Variants in CLASP1 observed in about 807,000 individuals in gnomAD.
CLASP1 encodes the protein CLIP-associating protein 1.
In CLASP1, 38 loss-of-function variants were observed where a neutral mutation model predicts 192.3. That is an observed-to-expected ratio of 0.20 (90% CI 0.15 to 0.26). The LOEUF (loss-of-function observed/expected upper bound fraction) is 0.26. CLASP1 is among the 10% of genes least tolerant of loss of function. CLASP1 has a pLI of 1.00. For missense variants in CLASP1, 1,433 were observed against 1,932.5 expected, an observed-to-expected ratio of 0.74 and a Z score of 4.85; for synonymous variants, 691 against 712.8, an observed-to-expected ratio of 0.97 and a Z score of 0.49.
At chr2:121,588,457 G>A (rs954144180) in intron 2 of CLASP1, among the ~76,000 whole-genome samples, 1 of 152,160 alleles carries the variant, frequency 6.6e-6, no homozygotes, top group Non-Finnish European at 1.5e-5. Context: ...TAAAGAGGTT[G>A]GGAAAGCTGG....
rs563559936 is a variant in CLASP1 at position 121,463,500 on chromosome 2, C to T, written c.866-895G>A. On this transcript the variant is annotated intron_variant, in intron 9 of 39. Transcript: ENST00000263710. The stretch of plus-strand genomic sequence containing the variant: ...ACTACTATAAAGGATGACCGTCACT[C>T]ACTGTGATGTGGTGCTCTGTGTCTG... Among the ~76,000 whole-genome samples, 3 of 152,294 alleles carry T rather than the reference C, an allele frequency of 2.0e-5. No homozygotes were observed. In the South Asian group the frequency reaches 6.2e-4, roughly 32 times the overall value.
intron 36 of CLASP1, among the ~76,000 whole-genome samples, chr2:121,363,823 T>G (rs956422151): frequency 2.0e-5 from 3 of 152,030 alleles, no homozygotes; most frequent in Non-Finnish European, 4.4e-5. Context: ...AGGCCTCGAG[T>G]TGGTTAAGGC....
At chr2:121,536,718 A>G (rs1305897433) in intron 2 of CLASP1, among the ~76,000 whole-genome samples, 1 of 152,262 alleles carries the variant, frequency 6.6e-6, no homozygotes, top group Admixed American at 6.5e-5. Context: ...TTCCACTTAC[A>G]TGAAACACCT....
At chr2:121,588,527 AAAT>A (rs927894776) in intron 2 of CLASP1, among the ~76,000 whole-genome samples, 31 of 152,204 alleles carry the variant, frequency 2.0e-4, no homozygotes, top group African/African-American at 6.8e-4. Flanking sequence ...TCAGAAGAAA[AAAT>A]AAACAAAATA....
intron 15 of CLASP1, among the ~76,000 whole-genome samples, 169 bp downstream of exon 15, chr2:121,451,621 A>T (rs1574983784): frequency 6.6e-6 from 1 of 152,248 alleles, no homozygotes; most frequent in Non-Finnish European, 1.5e-5. Flanking sequence ...ATTCACTAAA[A>T]GCGTCTGTGA....
At chr2:121,387,675 G>T in intron 31 of CLASP1, 88 bp downstream of exon 32, 1 of 1,294,208 alleles carries the variant, frequency 7.7e-7, no homozygotes, top group Non-Finnish European at 1.1e-6. Flanking sequence ...ACAAGGAAAC[G>T]GGGTATTCTA....
intron 8 of CLASP1, among the ~76,000 whole-genome samples, chr2:121,478,876 CCACACACACACCACACA>C (rs2092204130): frequency 1.6e-5 from 1 of 62,426 alleles, no homozygotes; most frequent in Admixed American, 1.7e-4. Context: ...ACACACCACA[CCACACACACACCACACA>C]CACACACCAC....
rs776370490 is a variant in CLASP1 at position 121,347,166 on chromosome 2, G to A, written c.4414-12C>T. ...GTGTTGTCATAACCCTAGAGAGCCA[G>A]AAGGGAACACGAAAAGGAAACCAGA... On this transcript the variant is annotated splice_polypyrimidine_tract_variant and intron_variant, in intron 38 of 39. Transcript: ENST00000263710. 4.1e-5 allele frequency: 63 copies of A among 1,533,276 alleles called. No individual in the cohort carries two copies. Among genetic ancestry groups the A allele is most frequent in the Non-Finnish European group, 5.1e-5 (57 of 1,126,772 alleles). 95.0% of individuals were successfully genotyped at this position (1,533,276 alleles called of 1,614,324 possible).
chr2:121,634,280 A>T (rs2070381432), intron 1 of CLASP1, among the ~76,000 whole-genome samples: 1 of 152,222 alleles, frequency 6.6e-6, no homozygotes, highest in Non-Finnish European at 1.5e-5. Context: ...TTGCTGAATG[A>T]TGATTTTGAT....
At chr2:121,459,771 C>T in intron 12 of CLASP1, 1 of 394,920 alleles carries the variant, frequency 2.5e-6, no homozygotes, top group Non-Finnish European at 4.5e-6. Context: ...AGAGCTATGT[C>T]ACTGAATAAA....
At chr2:121,635,253 ACT>A (rs1419835020) in intron 1 of CLASP1, among the ~76,000 whole-genome samples, 1 of 151,216 alleles carries the variant, frequency 6.6e-6, no homozygotes, top group Non-Finnish European at 1.5e-5. Flanking sequence ...AAAGAAAATG[ACT>A]CTGTTGATTG....
rs1255723686 is a variant in CLASP1, at chr2:121,503,235, C to T, written c.645-1G>A. On this transcript the variant is annotated splice_acceptor_variant, in intron 7 of 39. Transcript: ENST00000263710. LOFTEE classifies it high-confidence loss of function. The stretch of plus-strand genomic sequence containing the variant: ...AAATTTTGTAAAAATTACATTCAAC[C>T]TGTATGAAAGAAAAATGTAAACAAA... The T allele has an allele frequency of 6.6e-7, 1 of 1,507,130 alleles. No homozygotes were observed. Among genetic ancestry groups the T allele is most frequent in the African/African-American group, 1.4e-5 (1 of 72,130 alleles). The allele number at this position is 1,507,130 out of a possible 1,614,324, so 93.4% of individuals were successfully genotyped here.
intron 1 of CLASP1, among the ~76,000 whole-genome samples, chr2:121,649,064 C>A (rs1440689125): frequency 6.6e-6 from 1 of 152,186 alleles, no homozygotes; most frequent in Admixed American, 6.5e-5. Flanking sequence ...AGGAAGGGGG[C>A]CCGGGTGGGG....
At chr2:121,465,359 A>G (rs2089317819) in intron 9 of CLASP1, among the ~76,000 whole-genome samples, 1 of 152,236 alleles carries the variant, frequency 6.6e-6, no homozygotes, top group African/African-American at 2.4e-5. Context: ...AATCACAAGC[A>G]TTCTTATACA....
exon 22 of CLASP1, chr2:121,425,224 A>T: frequency 6.2e-7 from 1 of 1,613,678 alleles, no homozygotes; most frequent in Non-Finnish European, 8.5e-7. Context: ...ACGGTGTCAC[A>T]GGTGGGCCTC....
Position 121,530,934 on chromosome 2 carries a change from G to A in CLASP1, c.196-609C>T, listed in dbSNP as rs575472572. The A allele has an allele frequency of 8.9e-5, 62 of 700,406 alleles. No homozygotes were observed. Among genetic ancestry groups the A allele is most frequent in the Middle Eastern group, 3.7e-4 (1 of 2,738 alleles). 43.4% of individuals were successfully genotyped at this position (700,406 alleles called of 1,614,324 possible). A position where few individuals can be genotyped will look rare whatever the true frequency, so the allele number is the denominator to read the frequency against. ...GTCCAATGAGCGCATAGTGAGGGCA[G>A]TACTGCTAACGCCTGAACAACACAC... On this transcript the variant is annotated intron_variant, in intron 2 of 39. Coordinates refer to ENST00000263710, the Ensembl canonical transcript of CLASP1.
chr2:121,468,102 C>T (rs1387815984), intron 9 of CLASP1, among the ~76,000 whole-genome samples: 2 of 151,984 alleles, frequency 1.3e-5, no homozygotes, highest in Admixed American at 6.6e-5. Context: ...TGGTTGTAGT[C>T]GTGGGTTCTT....
chr2:121,399,591 G>A (rs1487340082), intron 28 of CLASP1, among the ~76,000 whole-genome samples: 1 of 152,120 alleles, frequency 6.6e-6, no homozygotes, highest in African/African-American at 2.4e-5. Flanking sequence ...ATTAGCAGTC[G>A]CTGACTATTC....
intron 33 of CLASP1, among the ~76,000 whole-genome samples, chr2:121,381,716 G>A (rs1479972963): frequency 2.6e-5 from 4 of 152,168 alleles, no homozygotes; most frequent in Non-Finnish European, 5.9e-5. Flanking sequence ...TGTGTGCTCA[G>A]ACTACCCTCA....
Sources: allele counts gnomAD v4.1 joint callset (sites outside exome capture counted in the v4.1 genomes callset), GRCh38; gene constraint gnomAD v4.1.1; transcripts MANE v1.5; gene names NCBI Gene and HGNC (gene_info 2026-07-23, HGNC 2026-07-21).